The following KCNIP4 variants were observed in gnomAD, a reference collection of about 807,000 sequenced individuals.
The protein encoded by KCNIP4 is Kv channel-interacting protein 4.
In KCNIP4, 12 loss-of-function variants were observed where a neutral mutation model predicts 34.0. The ratio of observed to expected loss-of-function variants is 0.35; its 90% CI spans 0.23 to 0.57. The LOEUF is 0.57. KCNIP4 is among the 20% of genes least tolerant of loss of function. The probability of loss-of-function intolerance (pLI) is 0.83; values close to 1 mark genes in which losing one functional copy is unlikely to be tolerated. For synonymous variants in KCNIP4, 124 were observed against 102.2 expected (o/e 1.21, Z -1.29); for missense variants, 238 against 311.7 (o/e 0.76, Z 1.78).
chr4:20,841,017 C>T (rs1719652564), intron 3 of KCNIP4, among the ~76,000 whole-genome samples: 1 of 152,166 alleles, frequency 6.6e-6, no homozygotes. Context: ...TTGCTCTTAA[C>T]ATTTTTGAGT....
intron 1 of KCNIP4, among the ~76,000 whole-genome samples, chr4:21,329,921 T>A (rs1378280579): frequency 2.0e-5 from 3 of 152,206 alleles, no homozygotes; most frequent in Non-Finnish European, 2.9e-5. Flanking sequence ...CTTGTCAGTA[T>A]AAATTGAGAT....
intron 1 of KCNIP4, among the ~76,000 whole-genome samples, chr4:21,007,273 C>T (rs1324440417): frequency 6.6e-6 from 1 of 152,142 alleles, no homozygotes; most frequent in African/African-American, 2.4e-5. Context: ...AGGCCTGAGA[C>T]ACCGTATATG....
At chr4:21,075,163 G>A (rs1745363381) in intron 1 of KCNIP4, among the ~76,000 whole-genome samples, 1 of 151,868 alleles carries the variant, frequency 6.6e-6, no homozygotes, top group South Asian at 2.1e-4. Flanking sequence ...TCCGCTTGGT[G>A]CAGAGCTGAG....
intron 1 of KCNIP4, among the ~76,000 whole-genome samples, chr4:20,983,072 A>G (rs1736240522): frequency 6.6e-6 from 1 of 152,234 alleles, no homozygotes; most frequent in African/African-American, 2.4e-5. Context: ...ACATACATAT[A>G]CATTCAAATA....
intron 1 of KCNIP4, among the ~76,000 whole-genome samples, chr4:21,240,331 A>C (rs563835514): frequency 6.7e-6 from 1 of 150,202 alleles, no homozygotes; most frequent in Non-Finnish European, 1.5e-5. Context: ...ATATGTAACA[A>C]AACCTGCACA....
At chr4:21,088,519 T>C (rs1746672338) in intron 1 of KCNIP4, among the ~76,000 whole-genome samples, 1 of 152,152 alleles carries the variant, frequency 6.6e-6, no homozygotes, top group South Asian at 2.1e-4. Context: ...TATCAATCTC[T>C]TCCATCCTTC....
intron 3 of KCNIP4, among the ~76,000 whole-genome samples, chr4:20,762,657 C>T (rs541589999): frequency 6.6e-6 from 1 of 152,322 alleles, no homozygotes; most frequent in South Asian, 2.1e-4. Context: ...AAACAATGTG[C>T]TGTATTAGTT....
chr4:21,693,585 A>AAGTCTTTAT, intron 1 of KCNIP4, among the ~76,000 whole-genome samples: 1 of 152,102 alleles, frequency 6.6e-6, no homozygotes, highest in Non-Finnish European at 1.5e-5. Flanking sequence ...ATAAATAAAT[A>AAGTCTTTAT]AGTCTTTATA....
At chr4:21,879,861 G>A (rs911491123) in intron 1 of KCNIP4, among the ~76,000 whole-genome samples, 10 of 152,084 alleles carry the variant, frequency 6.6e-5, no homozygotes, top group African/African-American at 1.9e-4. Flanking sequence ...TTACCTCCAC[G>A]TTAGTCTCAT....
intron 1 of KCNIP4, among the ~76,000 whole-genome samples, chr4:21,465,210 C>T (rs1205268543): frequency 6.6e-6 from 1 of 152,088 alleles, no homozygotes; most frequent in East Asian, 1.9e-4. Flanking sequence ...AAGACAAGCC[C>T]TAAGAGTACT....
At chr4:21,571,404 G>C (rs1161517085) in intron 1 of KCNIP4, among the ~76,000 whole-genome samples, 8 of 152,144 alleles carry the variant, frequency 5.3e-5, no homozygotes, top group Non-Finnish European at 1.0e-4. Context: ...TATAAGAAAG[G>C]ATAGTTAAAT....
intron 1 of KCNIP4, among the ~76,000 whole-genome samples, chr4:21,869,714 A>C (rs1725648920): frequency 6.6e-6 from 1 of 151,152 alleles, no homozygotes; most frequent in African/African-American, 2.4e-5. Flanking sequence ...CCACCGCCAC[A>C]TAGAGAGATA....
chr4:21,907,270 G>C (rs1028401983), intron 1 of KCNIP4, among the ~76,000 whole-genome samples: 6 of 151,460 alleles, frequency 4.0e-5, no homozygotes, highest in African/African-American at 1.5e-4. Context: ...TTACTGAAAA[G>C]AGTGGGTTGC....
intron 1 of KCNIP4, among the ~76,000 whole-genome samples, chr4:21,485,082 G>T (rs962223382): frequency 1.3e-5 from 2 of 152,038 alleles, no homozygotes; most frequent in African/African-American, 4.8e-5. Context: ...CATAGTTGTC[G>T]CTTCACATGT....
At chr4:21,001,362 T>G (rs1738121263) in intron 1 of KCNIP4, among the ~76,000 whole-genome samples, 1 of 152,160 alleles carries the variant, frequency 6.6e-6, no homozygotes, top group Admixed American at 6.5e-5. Context: ...AAAATTTGAG[T>G]GACCACAAAA....
At chr4:20,811,813 C>G (rs1314765277) in intron 3 of KCNIP4, among the ~76,000 whole-genome samples, 1 of 152,144 alleles carries the variant, frequency 6.6e-6, no homozygotes, top group Non-Finnish European at 1.5e-5. Flanking sequence ...TGGTTCCTTT[C>G]ATGAAGTTGC....
intron 1 of KCNIP4, among the ~76,000 whole-genome samples, chr4:21,692,418 C>A (rs940957660): frequency 6.6e-6 from 1 of 152,004 alleles, no homozygotes; most frequent in Non-Finnish European, 1.5e-5. Flanking sequence ...CCCTTTAATC[C>A]TGATTATAAA....
At chr4:21,621,700 A>G (rs1245649853) in intron 1 of KCNIP4, among the ~76,000 whole-genome samples, 1 of 152,134 alleles carries the variant, frequency 6.6e-6, no homozygotes, top group Non-Finnish European at 1.5e-5. Flanking sequence ...GGAGGTTTTC[A>G]CAATAGACAA....
chr4:21,690,256 C>T (rs1560632772), intron 1 of KCNIP4, among the ~76,000 whole-genome samples: 1 of 151,616 alleles, frequency 6.6e-6, no homozygotes, highest in African/African-American at 2.4e-5. Context: ...CTTCCCAAGC[C>T]CACAAATGTA....
Sources: allele counts gnomAD v4.1 joint callset (sites outside exome capture counted in the v4.1 genomes callset), GRCh38; gene constraint gnomAD v4.1.1; transcripts MANE v1.5; gene names NCBI Gene and HGNC (gene_info 2026-07-23, HGNC 2026-07-21).